SNX29: variants seen among roughly 807,000 people sequenced by gnomAD.
The protein encoded by SNX29 is sorting nexin-29.
SNX29 carries 78 observed loss-of-function variants against 102.1 expected under a neutral mutation model. That is an observed-to-expected ratio of 0.76 (90% CI 0.64 to 0.92). The LOEUF (loss-of-function observed/expected upper bound fraction) is 0.92, where lower values mean the gene tolerates loss of function less well. Ranked by LOEUF, SNX29 falls within the 40% of genes least tolerant of loss-of-function variation. SNX29 has a pLI of 0.00. For synonymous variants in SNX29, 580 were observed against 414.5 expected (o/e 1.40, Z -4.85); for missense variants, 1,280 against 1,061.7 (o/e 1.21, Z -2.86).
chr16:12,358,694 A>G (rs1194178272), intron 16 of SNX29, among the ~76,000 whole-genome samples: 3 of 152,224 alleles, frequency 2.0e-5, no homozygotes, highest in African/African-American at 4.8e-5. Flanking sequence ...GCCAGGAAGC[A>G]TCTGGACAGA....
chr16:12,361,017 C>T (rs6498277), intron 16 of SNX29, among the ~76,000 whole-genome samples: 61,528 of 152,086 alleles, frequency 0.4, 13,967 homozygotes, highest in Non-Finnish European at 0.53. Flanking sequence ...GGTCCCCTTA[C>T]GGTACCCATT....
intron 11 of SNX29, among the ~76,000 whole-genome samples, chr16:12,101,654 G>A (rs556574368): frequency 9.2e-5 from 14 of 152,212 alleles, no homozygotes; most frequent in African/African-American, 3.4e-4. Flanking sequence ...AAAGTGCTGG[G>A]ATTGCTGGCA....
intron 14 of SNX29, among the ~76,000 whole-genome samples, chr16:12,267,447 T>G (rs561658595): frequency 6.6e-6 from 1 of 152,200 alleles, no homozygotes; most frequent in Non-Finnish European, 1.5e-5. Context: ...TGCCGTGGTG[T>G]TTGAATTCTC....
chr16:12,142,753 A>T, intron 13 of SNX29, among the ~76,000 whole-genome samples: 1 of 151,242 alleles, frequency 6.6e-6, no homozygotes, highest in East Asian at 2.0e-4. Flanking sequence ...TTTAGTAGAG[A>T]CGGGGTTTCA....
At position 12,570,770 on chromosome 16, in the gene SNX29, G is replaced by C. The variant is rs1291908230; in HGVS notation, c.*2141G>C. Reference sequence around the variant, plus strand: ...GAAGCACCTTGGACATTCTGCACATGATAATAATGCAACAGTCCCCCATTG... The same window carrying C: ...GAAGCACCTTGGACATTCTGCACATCATAATAATGCAACAGTCCCCCATTG... On this transcript the variant is annotated 3_prime_UTR_variant, in exon 21 of 21. Transcript: ENST00000566228. 2.0e-5 allele frequency: 3 copies of C among 148,776 alleles called. No homozygotes were observed. Among genetic ancestry groups the C allele is most frequent in the Non-Finnish European group, 3.6e-5 (3 of 84,332 alleles). The allele number at this position is 148,776 out of a possible 1,614,324, so 9.2% of individuals were successfully genotyped here.
At chr16:12,549,634 A>C (rs2077839411) in intron 20 of SNX29, among the ~76,000 whole-genome samples, 1 of 152,230 alleles carries the variant, frequency 6.6e-6, no homozygotes, top group Non-Finnish European at 1.5e-5. Context: ...CGCTCTGTAA[A>C]GAGCATAGCT....
chr16:12,346,416 G>A (rs1204051824), intron 15 of SNX29, among the ~76,000 whole-genome samples: 1 of 152,068 alleles, frequency 6.6e-6, no homozygotes, highest in South Asian at 2.1e-4. Flanking sequence ...CATTTGCATC[G>A]TTGTTAATGT....
At chr16:12,006,305 C>T (rs1164517452) in intron 3 of SNX29, among the ~76,000 whole-genome samples, 2 of 151,740 alleles carry the variant, frequency 1.3e-5, no homozygotes, top group Non-Finnish European at 2.9e-5. Context: ...CACCTGAAGT[C>T]GGGAGTTTGA....
intron 9 of SNX29, among the ~76,000 whole-genome samples, chr16:12,068,590 G>A (rs1243405715): frequency 1.3e-5 from 2 of 151,948 alleles, no homozygotes; most frequent in African/African-American, 4.8e-5. Context: ...TGTTGCCCAG[G>A]CTGGAGTGCA....
At chr16:12,479,569 C>T (rs747683701) in intron 19 of SNX29, among the ~76,000 whole-genome samples, 101 of 152,124 alleles carry the variant, frequency 6.6e-4, no homozygotes, top group Non-Finnish European at 1.1e-3. Context: ...AACCACTACA[C>T]GTGGCAGACA....
intron 15 of SNX29, among the ~76,000 whole-genome samples, chr16:12,340,534 C>T (rs1395738915): frequency 6.6e-6 from 1 of 152,158 alleles, no homozygotes; most frequent in Non-Finnish European, 1.5e-5. Flanking sequence ...TTGCATTGAA[C>T]AGATTTGTGT....
intron 14 of SNX29, among the ~76,000 whole-genome samples, chr16:12,208,321 C>G (rs1338944896): frequency 6.6e-6 from 1 of 152,202 alleles, no homozygotes; most frequent in African/African-American, 2.4e-5. Context: ...GCTCTGCTGT[C>G]CCTGCTGGGG....
chr16:12,250,073 G>GGA (rs2078377038), intron 14 of SNX29, among the ~76,000 whole-genome samples: 1 of 152,170 alleles, frequency 6.6e-6, no homozygotes, highest in African/African-American at 2.4e-5. Flanking sequence ...CCCATCACCA[G>GGA]GACTGTGGTG....
chr16:12,113,567 A>G (rs750977237), intron 11 of SNX29, among the ~76,000 whole-genome samples: 2 of 152,196 alleles, frequency 1.3e-5, no homozygotes, highest in African/African-American at 4.8e-5. Context: ...GCCCGTGCAT[A>G]TGATACCACA....
intron 14 of SNX29, among the ~76,000 whole-genome samples, chr16:12,201,536 G>A (rs188983268): frequency 3.9e-5 from 6 of 152,270 alleles, no homozygotes; most frequent in East Asian, 1.9e-4. Flanking sequence ...ATGAACTCAC[G>A]CATTTTTCTC....
rs183327884 is a variant in SNX29, at chr16:12,472,839, T to C, written c.2038-4880T>C. ...AATTCTTCTCAGTGGAAAAGAAATC[T>C]TCAGATTTGAACTTCCTCTTAAAAT... is the stretch of plus-strand genomic sequence containing the variant. On this transcript the variant is annotated intron_variant, in intron 18 of 20. Transcript: ENST00000566228. Among the ~76,000 whole-genome samples the C allele has an allele frequency of 8.5e-5, 13 of 152,280 alleles. No homozygotes were observed. The East Asian group carries it at 2.5e-3, about 29-fold the overall frequency.
chr16:12,353,920 C>T (rs564780094), intron 15 of SNX29, among the ~76,000 whole-genome samples: 1 of 152,174 alleles, frequency 6.6e-6, no homozygotes, highest in African/African-American at 2.4e-5. Context: ...TTGGAGGGCA[C>T]CTGTTCTCTC....
intron 14 of SNX29, among the ~76,000 whole-genome samples, chr16:12,200,167 G>A (rs2076877751): frequency 6.6e-6 from 1 of 152,100 alleles, no homozygotes; most frequent in African/African-American, 2.4e-5. Flanking sequence ...ACCTCATGAG[G>A]CAATCCATGT....
At chr16:12,106,151 G>A (rs1238088139) in intron 11 of SNX29, among the ~76,000 whole-genome samples, 1 of 152,320 alleles carries the variant, frequency 6.6e-6, no homozygotes, top group South Asian at 2.1e-4. Flanking sequence ...GCTTCTGTGA[G>A]TTTCATCTGC....
Sources: gnomAD v4.1 joint callset for allele counts (sites outside exome capture counted in the v4.1 genomes callset) on GRCh38, gnomAD v4.1.1 for gene constraint, MANE v1.5 for transcripts, NCBI Gene and HGNC (gene_info 2026-07-23, HGNC 2026-07-21) for gene names.